The following PARD3 variants were observed in gnomAD, a reference collection of about 807,000 sequenced individuals.
PARD3 encodes the protein partitioning defective 3 homolog.
PARD3 carries 75 observed loss-of-function variants against 155.4 expected under a neutral mutation model. The observed-to-expected ratio is 0.48, with a 90% CI of 0.40 to 0.58. The LOEUF (loss-of-function observed/expected upper bound fraction) is 0.58, where lower values mean the gene tolerates loss of function less well. PARD3 is among the 20% of genes least tolerant of loss of function. The pLI is 0.00. For synonymous variants in PARD3, 576 were observed against 610.5 expected (o/e 0.94, Z 0.83); for missense variants, 1,642 against 1,721.7 (o/e 0.95, Z 0.82).
At chr10:34,452,639 T>C (rs2077120738) in intron 4 of PARD3, among the ~76,000 whole-genome samples, 1 of 152,184 alleles carries the variant, frequency 6.6e-6, no homozygotes, top group African/African-American at 2.4e-5. Flanking sequence ...TAAATGGTCT[T>C]GTTGGCGCTA....
chr10:34,213,979 T>C (rs1951880081), intron 22 of PARD3, among the ~76,000 whole-genome samples: 1 of 152,184 alleles, frequency 6.6e-6, no homozygotes, highest in African/African-American at 2.4e-5. Context: ...CACTGTAGCC[T>C]TGAACTTCTG....
intron 2 of PARD3, among the ~76,000 whole-genome samples, chr10:34,677,023 C>T (rs901260313): frequency 1.3e-5 from 2 of 152,236 alleles, no homozygotes; most frequent in Non-Finnish European, 1.5e-5. Flanking sequence ...AATATCACAT[C>T]GAAGAAAATC....
At chr10:34,197,528 A>G (rs1405300098) in intron 22 of PARD3, among the ~76,000 whole-genome samples, 2 of 152,174 alleles carry the variant, frequency 1.3e-5, no homozygotes, top group African/African-American at 4.8e-5. Context: ...GACATCATTA[A>G]TTTGCATTTA....
intron 20 of PARD3, among the ~76,000 whole-genome samples, chr10:34,316,703 AG>A (rs1445485678): frequency 6.6e-6 from 1 of 152,196 alleles, no homozygotes; most frequent in African/African-American, 2.4e-5. Context: ...ACTAAGATAC[AG>A]ACATGTCCCT....
intron 3 of PARD3, among the ~76,000 whole-genome samples, chr10:34,484,303 G>A (rs1273066413): frequency 1.3e-5 from 2 of 152,272 alleles, no homozygotes; most frequent in East Asian, 3.9e-4. Flanking sequence ...TTAGCAAACA[G>A]CTAAAATCAC....
intron 21 of PARD3, among the ~76,000 whole-genome samples, chr10:34,277,530 G>A (rs1318474835): frequency 6.6e-6 from 1 of 152,116 alleles, no homozygotes; most frequent in Non-Finnish European, 1.5e-5. Context: ...AAAGTTGATT[G>A]AGAAGAAAGG....
At chr10:34,407,124 C>T (rs1466475639) in intron 5 of PARD3, among the ~76,000 whole-genome samples, 1 of 152,182 alleles carries the variant, frequency 6.6e-6, no homozygotes, top group East Asian at 1.9e-4. Flanking sequence ...AAGACGGGAA[C>T]AGTGGCACAG....
At chr10:34,363,714 G>A (rs766546269) in intron 12 of PARD3, among the ~76,000 whole-genome samples, 7 of 152,020 alleles carry the variant, frequency 4.6e-5, no homozygotes, top group South Asian at 2.1e-4. Context: ...CTACAGAAAC[G>A]CAAAAAATGT....
intron 15 of PARD3, among the ~76,000 whole-genome samples, chr10:34,342,751 G>A (rs1055955202): frequency 1.3e-5 from 2 of 152,144 alleles, no homozygotes; most frequent in Admixed American, 6.5e-5. Context: ...TATTTAAATT[G>A]CTACATCTTT....
chr10:34,540,245 T>C (rs1056241552), intron 2 of PARD3, among the ~76,000 whole-genome samples: 5 of 152,054 alleles, frequency 3.3e-5, no homozygotes, highest in African/African-American at 1.2e-4. Context: ...GAACAGTGTC[T>C]TGCACATAGT....
intron 22 of PARD3, among the ~76,000 whole-genome samples, chr10:34,266,410 C>T (rs994424355): frequency 6.6e-6 from 1 of 152,176 alleles, no homozygotes; most frequent in Non-Finnish European, 1.5e-5. Flanking sequence ...GGATTAGTAA[C>T]ATCAATCTTT....
At chr10:34,560,847 T>C (rs2085410422) in intron 2 of PARD3, among the ~76,000 whole-genome samples, 1 of 152,192 alleles carries the variant, frequency 6.6e-6, no homozygotes, top group Non-Finnish European at 1.5e-5. Flanking sequence ...GGAATAAATG[T>C]CAGCACCTCA....
intron 15 of PARD3, chr10:34,344,845 A>G (rs1355870171): frequency 1.0e-6 from 1 of 985,334 alleles, no homozygotes; most frequent in East Asian, 1.1e-4. Context: ...AAAGAAAAAC[A>G]TGCATCCAAA....
At chr10:34,793,385 C>A (rs948399401) in intron 1 of PARD3, among the ~76,000 whole-genome samples, 4 of 152,086 alleles carry the variant, frequency 2.6e-5, no homozygotes, top group Admixed American at 1.3e-4. Flanking sequence ...AGAGGGCAGG[C>A]TGGGGTCAGT....
intron 2 of PARD3, among the ~76,000 whole-genome samples, chr10:34,529,727 T>C (rs1181034373): frequency 6.8e-6 from 1 of 147,548 alleles, no homozygotes; most frequent in African/African-American, 2.5e-5. Context: ...GCAAAGAATA[T>C]ATTTTTTACT....
chr10:34,743,173 A>G (rs1334228451), intron 1 of PARD3, among the ~76,000 whole-genome samples: 3 of 152,286 alleles, frequency 2.0e-5, no homozygotes, highest in East Asian at 3.9e-4. Flanking sequence ...GTTCCATGAA[A>G]ATGTGTCCAC....
At chr10:34,778,883 C>A (rs936032086) in intron 1 of PARD3, among the ~76,000 whole-genome samples, 1 of 152,286 alleles carries the variant, frequency 6.6e-6, no homozygotes, top group African/African-American at 2.4e-5. Context: ...TTTTTGTTCA[C>A]AAAGGACTGA....
At chr10:34,764,740 A>T (rs1837872351) in intron 1 of PARD3, among the ~76,000 whole-genome samples, 1 of 152,172 alleles carries the variant, frequency 6.6e-6, no homozygotes, top group Admixed American at 6.5e-5. Context: ...AAAGAAAATG[A>T]AGGCAAAACT....
At chr10:34,277,312 CA>C (rs1955935240) in intron 21 of PARD3, among the ~76,000 whole-genome samples, 1 of 152,126 alleles carries the variant, frequency 6.6e-6, no homozygotes, top group South Asian at 2.1e-4. Flanking sequence ...TGGCAGACTT[CA>C]AAAATACTGC....
Sources: allele counts gnomAD v4.1 joint callset (sites outside exome capture counted in the v4.1 genomes callset), GRCh38; gene constraint gnomAD v4.1.1; transcripts MANE v1.5; gene names NCBI Gene and HGNC (gene_info 2026-07-23, HGNC 2026-07-21).